The following CNTN5 variants were observed in gnomAD, a reference collection of about 807,000 sequenced individuals.
CNTN5 encodes the protein contactin 5.
Under a neutral mutation model 129.1 loss-of-function variants are expected in CNTN5, and 77 were observed. The ratio of observed to expected loss-of-function variants is 0.60; its 90% CI spans 0.50 to 0.72. The LOEUF is 0.72. Ranked by LOEUF, CNTN5 falls within the 30% of genes least tolerant of loss-of-function variation. The pLI is 0.00. For synonymous variants in CNTN5, 509 were observed against 465.6 expected, an observed-to-expected ratio of 1.09 and a Z score of -1.20; for missense variants, 1,478 against 1,328.8, an observed-to-expected ratio of 1.11 and a Z score of -1.75.
intron 3 of CNTN5, among the ~76,000 whole-genome samples, chr11:99,751,562 G>A (rs980628287): frequency 6.6e-6 from 1 of 152,064 alleles, no homozygotes; most frequent in African/African-American, 2.4e-5. Flanking sequence ...TAAATTCAAT[G>A]ATAAAACATT....
chr11:100,193,534 G>A lies in CNTN5; in HGVS notation c.1755G>A (p.Val585=), dbSNP rs566928943. ...ELTPKRTELT[V]GESIVLNCKA... ...CTCCTAAAAGAACAGAATTGACAGTGGGAGAAAGCATTGTCCTTAATTGCA... is the reference window on the plus strand; with the variant it reads ...CTCCTAAAAGAACAGAATTGACAGTAGGAGAAAGCATTGTCCTTAATTGCA... The change falls in exon 15 of 25, where the codon GTG becomes GTA. Residue 585 remains valine, a synonymous_variant. Transcript: ENST00000524871. 3 of 1,609,472 alleles carry A rather than the reference G, an allele frequency of 1.9e-6. No individual in the cohort carries two copies. Among genetic ancestry groups the A allele is most frequent in the Admixed American group, 1.7e-5 (1 of 59,336 alleles).
intron 16 of CNTN5, among the ~76,000 whole-genome samples, chr11:100,248,965 G>C (rs1949905986): frequency 6.6e-6 from 1 of 152,108 alleles, no homozygotes; most frequent in Non-Finnish European, 1.5e-5. Flanking sequence ...GCCTGTTCTT[G>C]CTTCAATGAT....
At chr11:100,215,208 T>C (rs1949113096) in intron 15 of CNTN5, among the ~76,000 whole-genome samples, 1 of 152,210 alleles carries the variant, frequency 6.6e-6, no homozygotes, top group African/African-American at 2.4e-5. Context: ...TTTTCTTACA[T>C]TCCCCAGAAT....
At chr11:99,155,965 G>T (rs1940523) in intron 1 of CNTN5, among the ~76,000 whole-genome samples, 98,342 of 151,872 alleles carry the variant, frequency 0.65, 32,478 homozygotes, top group African/African-American at 0.73. Context: ...TAATACAAGC[G>T]AGGATAAAAC....
intron 9 of CNTN5, among the ~76,000 whole-genome samples, chr11:100,056,376 C>G (rs12798566): frequency 0.073 from 11,014 of 151,036 alleles, 514 homozygotes; most frequent in East Asian, 0.19. Flanking sequence ...AAAATTAAAT[C>G]TAACCATTTG....
At chr11:99,999,599 C>T (rs1081338) in intron 8 of CNTN5, among the ~76,000 whole-genome samples, 42,287 of 152,034 alleles carry the variant, frequency 0.28, 6,583 homozygotes, top group South Asian at 0.35. Flanking sequence ...GTCAGTGTGG[C>T]GATTCCTCAG....
In CNTN5 at chr11:99,211,095, A is replaced by G. The variant is rs1351303105; in HGVS notation, c.-209-114251A>G. Among the ~76,000 whole-genome samples the G allele has an allele frequency of 3.3e-5, 5 of 152,156 alleles. No homozygotes were observed. The East Asian group carries it at 7.7e-4, about 24-fold the overall frequency. On this transcript the variant is annotated intron_variant, in intron 1 of 24. Coordinates refer to ENST00000524871, the MANE Select transcript of CNTN5 (RefSeq NM_014361.4). ...TAAAGCTCTCTAAAGCCCTCCTCCC[A>G]ATTGGGCAGGTTCTTTTTCTTAACC...
At chr11:99,291,123 G>A (rs1293091766) in intron 1 of CNTN5, among the ~76,000 whole-genome samples, 1 of 151,880 alleles carries the variant, frequency 6.6e-6, no homozygotes, top group Admixed American at 6.6e-5. Flanking sequence ...TTTAACAAGT[G>A]TAATAATCAT....
Position 99,384,482 on chromosome 11 carries a change from G to A in CNTN5, c.-71+58998G>A, listed in dbSNP as rs549926062. Among the ~76,000 whole-genome samples, 8 of 152,250 alleles carry A rather than the reference G, an allele frequency of 5.3e-5. No homozygotes were observed. The South Asian group carries it at 1.2e-3, about 24-fold the overall frequency. On this transcript the variant is annotated intron_variant, in intron 2 of 24. Coordinates refer to ENST00000524871, the MANE Select transcript of CNTN5 (RefSeq NM_014361.4). ...ACTTAGGTGAATTTCACCCCCAACC[G>A]AGGGACTCAGGACACCAGAAAAGTG...
At chr11:99,646,785 A>C (rs562073788) in intron 3 of CNTN5, among the ~76,000 whole-genome samples, 16 of 150,202 alleles carry the variant, frequency 1.1e-4, no homozygotes, top group African/African-American at 3.7e-4. Context: ...AAAGAACTTG[A>C]AGCACTTCAT....
At chr11:99,366,265 G>A (rs908584345) in intron 2 of CNTN5, among the ~76,000 whole-genome samples, 1 of 150,544 alleles carries the variant, frequency 6.6e-6, no homozygotes, top group African/African-American at 2.4e-5. Context: ...TTCCACATGT[G>A]GTTAACGATT....
chr11:99,921,299 A>G (rs1949932983), intron 7 of CNTN5, among the ~76,000 whole-genome samples: 1 of 151,382 alleles, frequency 6.6e-6, no homozygotes, highest in Non-Finnish European at 1.5e-5. Context: ...TTTCCCTCCT[A>G]CTCTCTTTCT....
intron 1 of CNTN5, among the ~76,000 whole-genome samples, chr11:99,254,635 C>A (rs1452487176): frequency 6.6e-6 from 1 of 151,832 alleles, no homozygotes. Flanking sequence ...TTGAATGTTC[C>A]TATTTTAGTA....
intron 13 of CNTN5, among the ~76,000 whole-genome samples, chr11:100,165,147 A>G (rs145112042): frequency 1.3e-5 from 2 of 151,674 alleles, no homozygotes; most frequent in African/African-American, 2.4e-5. Context: ...TTAAAGAGGC[A>G]ATTTTGGAAA....
At position 99,233,043 on chromosome 11, in the gene CNTN5, T is replaced by C. The variant is rs143714927; in HGVS notation, c.-209-92303T>C. On this transcript the variant is annotated intron_variant, in intron 1 of 24. Transcript: ENST00000524871. The stretch of plus-strand genomic sequence containing the variant: ...CGAGGAGAGGTTAGTAGAAAAATAG[T>C]TCCTGAAGAATCATCTTCAAGTCAA... Among the ~76,000 whole-genome samples the C allele has an allele frequency of 2.5e-3, 377 of 152,328 alleles. 2 individuals are homozygous for C. The highest frequency in any genetic ancestry group is 8.7e-3 in the African/African-American group (362 of 41,580).
At chr11:99,119,319 C>T (rs573798923) in intron 1 of CNTN5, among the ~76,000 whole-genome samples, 2 of 152,216 alleles carry the variant, frequency 1.3e-5, no homozygotes, top group South Asian at 2.1e-4. Context: ...AAGTAGGCCA[C>T]AGTGTCTGTT....
chr11:99,362,512 G>C (rs191957198), intron 2 of CNTN5, among the ~76,000 whole-genome samples: 31 of 151,450 alleles, frequency 2.0e-4, no homozygotes, highest in East Asian at 1.6e-3. Flanking sequence ...ATTTTTTTTA[G>C]TTGTCTATGC....
intron 9 of CNTN5, among the ~76,000 whole-genome samples, chr11:100,009,491 A>G (rs1335767960): frequency 6.6e-6 from 1 of 152,104 alleles, no homozygotes; most frequent in Non-Finnish European, 1.5e-5. Context: ...TTGGAAAGAA[A>G]AGACTGGTTT....
At chr11:99,041,359 A>C (rs1332719449) in intron 1 of CNTN5, among the ~76,000 whole-genome samples, 1 of 152,092 alleles carries the variant, frequency 6.6e-6, no homozygotes, top group Non-Finnish European at 1.5e-5. Context: ...ACACATATGC[A>C]AAGTGGTACA....
Sources: gnomAD v4.1 joint callset for allele counts (sites outside exome capture counted in the v4.1 genomes callset) on GRCh38, gnomAD v4.1.1 for gene constraint, MANE v1.5 for transcripts, NCBI Gene and HGNC (gene_info 2026-07-23, HGNC 2026-07-21) for gene names.